Variants in RGS6 observed in about 807,000 individuals in gnomAD.
RGS6 encodes regulator of G protein signaling 6.
A neutral mutation model predicts 78.5 loss-of-function variants in RGS6; 30 were observed. That is an observed-to-expected ratio of 0.38 (90% CI 0.29 to 0.52). RGS6 has a LOEUF of 0.52. Among genes scored for constraint, RGS6 ranks in the 20% least tolerant of loss-of-function variants. RGS6 has a pLI of 0.85. For synonymous variants in RGS6, 206 were observed against 206.0 expected (o/e 1.00, Z 0.00); for missense variants, 495 against 609.7 (o/e 0.81, Z 1.98).
At chr14:72,594,552 A>G in the RGS6 span, among the ~76,000 whole-genome samples, 3 of 152,072 alleles carry the variant, frequency 2.0e-5, no homozygotes, top group Middle Eastern at 3.4e-3. Flanking sequence ...GGCTATCACC[A>G]CTCATACTCT....
At chr14:72,074,902 A>C (rs1037591412) in intron 2 of RGS6, among the ~76,000 whole-genome samples, 3 of 152,230 alleles carry the variant, frequency 2.0e-5, no homozygotes, top group Non-Finnish European at 4.4e-5. Flanking sequence ...TTCAGCTGTC[A>C]ATATCCCTGA....
chr14:72,612,513 C>T, the RGS6 span: 14 of 518,500 alleles, frequency 2.7e-5, no homozygotes, highest in East Asian at 3.3e-4. Flanking sequence ...TTTTCCTATA[C>T]GCCACTGTTG....
intron 17 of RGS6, among the ~76,000 whole-genome samples, chr14:72,560,157 T>A (rs918014202): frequency 6.6e-6 from 1 of 152,102 alleles, no homozygotes; most frequent in Admixed American, 6.5e-5. Context: ...ACGCTGTGGA[T>A]AGCAAACTCA....
At chr14:71,902,341 C>T in the RGS6 span, among the ~76,000 whole-genome samples, 8 of 152,134 alleles carry the variant, frequency 5.3e-5, no homozygotes, top group Non-Finnish European at 1.0e-4. Flanking sequence ...TTTCCATAGT[C>T]ACTTGAATGA....
intron 2 of RGS6, among the ~76,000 whole-genome samples, chr14:72,095,388 C>T (rs146796135): frequency 4.3e-4 from 65 of 152,210 alleles, no homozygotes; most frequent in African/African-American, 1.5e-3. Context: ...CAGCCTTTAT[C>T]GTTGGGCTTA....
At chr14:71,995,760 A>G (rs1368609664) in intron 2 of RGS6, among the ~76,000 whole-genome samples, 2 of 152,110 alleles carry the variant, frequency 1.3e-5, no homozygotes, top group Non-Finnish European at 2.9e-5. Flanking sequence ...TTCATGACGC[A>G]CGGCATATTT....
At chr14:72,452,452 G>T (rs2095520559) in intron 3 of RGS6, among the ~76,000 whole-genome samples, 1 of 152,212 alleles carries the variant, frequency 6.6e-6, no homozygotes, top group South Asian at 2.1e-4. Context: ...CCACTGTGCA[G>T]GGTTACTTCA....
At chr14:71,889,095 T>C in the RGS6 span, among the ~76,000 whole-genome samples, 79,725 of 151,680 alleles carry the variant, frequency 0.53, 24,052 homozygotes, top group Non-Finnish European at 0.68. Flanking sequence ...ACAGTGTGAG[T>C]AAGGGCCAAA....
At position 71,964,883 on chromosome 14, in the gene RGS6, G is replaced by T. The variant is rs747793844; in HGVS notation, c.84+8G>T. ...ATGATCGTTTACTGCAAAGTAAGGC[G>T]CCTGGTCAAGTGCCGTGCGTGCTGT... On this transcript the variant is annotated splice_region_variant and intron_variant, in intron 2 of 17. Transcript: ENST00000553525. 22 of 1,611,066 alleles carry T rather than the reference G, an allele frequency of 1.4e-5. No individual in the cohort carries two copies. The highest frequency in any genetic ancestry group is 1.6e-5 in the Non-Finnish European group (19 of 1,177,766).
At chr14:71,991,368 G>T (rs189651876) in intron 2 of RGS6, among the ~76,000 whole-genome samples, 90 of 152,098 alleles carry the variant, frequency 5.9e-4, no homozygotes, top group African/African-American at 1.9e-3. Context: ...ATTCCTATCT[G>T]TGAGAGAGGA....
At chr14:72,233,851 G>A (rs1050891716) in intron 2 of RGS6, among the ~76,000 whole-genome samples, 10 of 152,188 alleles carry the variant, frequency 6.6e-5, no homozygotes, top group African/African-American at 2.4e-4. Flanking sequence ...CAGATGGGCT[G>A]TTTCGAGAGC....
intron 2 of RGS6, among the ~76,000 whole-genome samples, chr14:72,055,520 C>A (rs2093575353): frequency 6.6e-6 from 1 of 152,128 alleles, no homozygotes; most frequent in African/African-American, 2.4e-5. Flanking sequence ...TCTTTTCTCA[C>A]CCTCGCTAGA....
At chr14:71,978,687 G>A (rs932016825) in intron 2 of RGS6, among the ~76,000 whole-genome samples, 12 of 151,556 alleles carry the variant, frequency 7.9e-5, no homozygotes, top group East Asian at 1.9e-4. Context: ...GAGGATTTTT[G>A]CATCAATGTT....
intron 3 of RGS6, among the ~76,000 whole-genome samples, chr14:72,378,614 A>G (rs2085319804): frequency 6.6e-6 from 1 of 151,902 alleles, no homozygotes; most frequent in African/African-American, 2.4e-5. Flanking sequence ...ATTCCTGAAC[A>G]CATACAACCT....
rs34125161 is a variant in RGS6, at chr14:72,483,968, G to GAA, written c.854+5649_854+5650dup. Among the ~76,000 whole-genome samples, 25 of 145,372 alleles carry GAA rather than the reference G, an allele frequency of 1.7e-4. No homozygotes were observed. In the East Asian group the frequency reaches 1.8e-3, roughly 10 times the overall value. ...TCCCTACTTCCCACCTTCTCCAAGT[G>GAA]AAAAAAAAAAAGCTAGATTAATTAA... On this transcript the variant is annotated intron_variant, in intron 12 of 17. Coordinates refer to ENST00000553525, the MANE Select transcript of RGS6 (RefSeq NM_001204424.2).
intron 2 of RGS6, among the ~76,000 whole-genome samples, chr14:72,271,213 A>C (rs1469872928): frequency 6.6e-6 from 1 of 152,162 alleles, no homozygotes; most frequent in African/African-American, 2.4e-5. Context: ...TTATAAAGGA[A>C]AGAGGTTTAA....
chr14:72,300,250 A>G (rs1423402260), intron 2 of RGS6, among the ~76,000 whole-genome samples: 1 of 152,120 alleles, frequency 6.6e-6, no homozygotes, highest in Non-Finnish European at 1.5e-5. Context: ...CAAACTCTAT[A>G]CCCATAAAAC....
chr14:72,413,635 T>G (rs1411534857), intron 3 of RGS6, among the ~76,000 whole-genome samples: 1 of 152,206 alleles, frequency 6.6e-6, no homozygotes, highest in Non-Finnish European at 1.5e-5. Flanking sequence ...GTTTTGCTCA[T>G]TGGTTGATGC....
At chr14:72,257,411 G>T (rs1466103398) in intron 2 of RGS6, among the ~76,000 whole-genome samples, 1 of 152,146 alleles carries the variant, frequency 6.6e-6, no homozygotes, top group Admixed American at 6.5e-5. Flanking sequence ...CTTCATTGCA[G>T]TCGTTTATCA....
Sources: gnomAD v4.1 joint callset for allele counts (sites outside exome capture counted in the v4.1 genomes callset) on GRCh38, gnomAD v4.1.1 for gene constraint, MANE v1.5 for transcripts, NCBI Gene and HGNC (gene_info 2026-07-23, HGNC 2026-07-21) for gene names.